Variants in CBFA2T3 observed in about 807,000 individuals in gnomAD.
CBFA2T3 encodes CBFA2/RUNX1 partner transcriptional co-repressor 3, also known as transcriptional corepressor CBFA2T3.
Under a neutral mutation model 58.6 loss-of-function variants are expected in CBFA2T3, and 31 were observed. The ratio of observed to expected loss-of-function variants is 0.53; its 90% confidence interval spans 0.40 to 0.71. The LOEUF is 0.71. Ranked by LOEUF, CBFA2T3 falls within the 30% of genes least tolerant of loss-of-function variation. The pLI is 0.00. For synonymous variants in CBFA2T3, 531 were observed against 421.9 expected, an observed-to-expected ratio of 1.26 and a Z score of -3.17; for missense variants, 1,076 against 963.1, an observed-to-expected ratio of 1.12 and a Z score of -1.55.
chr16:88,941,422 T>A (rs2142809797), intron 1 of CBFA2T3, among the ~76,000 whole-genome samples: 1 of 145,278 alleles, frequency 6.9e-6, no homozygotes, highest in Middle Eastern at 3.5e-3. Context: ...CTGCGCCACC[T>A]GCCTCCCGCC....
At chr16:88,912,842 G>A (rs1363133686) in intron 1 of CBFA2T3, among the ~76,000 whole-genome samples, 2 of 152,222 alleles carry the variant, frequency 1.3e-5, no homozygotes, top group African/African-American at 2.4e-5. Flanking sequence ...TGCCGTGTGA[G>A]CCCAGCAGGC....
chr16:88,910,752 G>C (rs970369999), intron 1 of CBFA2T3, among the ~76,000 whole-genome samples: 1 of 152,220 alleles, frequency 6.6e-6, no homozygotes, highest in African/African-American at 2.4e-5. Context: ...ACCAGCATCA[G>C]ACCTGGGGCT....
intron 11 of CBFA2T3, among the ~76,000 whole-genome samples, chr16:88,878,218 TTCTGCG>T (rs1968917055): frequency 6.6e-6 from 1 of 152,240 alleles, no homozygotes; most frequent in South Asian, 2.1e-4. Context: ...CACGCCTCAC[TTCTGCG>T]TTTGGTGTTT....
chr16:88,964,909 TATCCATCCATCCATCC>T (rs56700700), intron 1 of CBFA2T3, among the ~76,000 whole-genome samples: 2,118 of 143,884 alleles, frequency 0.015, 59 homozygotes, highest in African/African-American at 0.051. Flanking sequence ...TCTATCCACT[TATCCATCCATCCATCC>T]ATCCATCCAT....
At chr16:88,951,294 A>G (rs750240561) in intron 1 of CBFA2T3, 18 of 450,956 alleles carry the variant, frequency 4.0e-5, no homozygotes, top group African/African-American at 1.2e-4. Flanking sequence ...GACTGGCACC[A>G]GCACAGAGGG....
chr16:88,877,433 C>G (rs377182460), intron 11 of CBFA2T3, among the ~76,000 whole-genome samples, 158 bp from the exon 12 acceptor site: 2 of 152,324 alleles, frequency 1.3e-5, no homozygotes, highest in African/African-American at 4.8e-5. Flanking sequence ...CCAGATACAG[C>G]CACTCACTGG....
At chr16:88,972,920 G>A (rs901718794) in intron 1 of CBFA2T3, among the ~76,000 whole-genome samples, 4 of 152,206 alleles carry the variant, frequency 2.6e-5, no homozygotes, top group Non-Finnish European at 5.9e-5. Flanking sequence ...CCCCTTTGCA[G>A]GCACCCTTGG....
At chr16:88,882,071 G>A (rs1177336144) in intron 8 of CBFA2T3, among the ~76,000 whole-genome samples, 1 of 152,246 alleles carries the variant, frequency 6.6e-6, no homozygotes, top group Non-Finnish European at 1.5e-5. Flanking sequence ...CGCCATGAGG[G>A]TTTTAGGAAT....
chr16:88,952,577 G>A (rs1972104774), intron 1 of CBFA2T3, among the ~76,000 whole-genome samples: 1 of 152,026 alleles, frequency 6.6e-6, no homozygotes, highest in South Asian at 2.1e-4. Flanking sequence ...AGCCTGGGGT[G>A]CCTGCTGCTC....
intron 2 of CBFA2T3, among the ~76,000 whole-genome samples, chr16:88,898,775 C>T (rs1969988744): frequency 6.6e-6 from 1 of 152,186 alleles, no homozygotes; most frequent in Admixed American, 6.5e-5. Context: ...GTAATCCCAG[C>T]ACTTTGGGAG....
At chr16:88,959,962 G>A (rs2142860868) in intron 1 of CBFA2T3, among the ~76,000 whole-genome samples, 1 of 152,290 alleles carries the variant, frequency 6.6e-6, no homozygotes, top group Admixed American at 6.5e-5. Flanking sequence ...GCAGGAGATG[G>A]AGGCTGCAGT....
intron 1 of CBFA2T3, chr16:88,940,375 G>C (rs1971675405): frequency 6.5e-6 from 1 of 153,162 alleles, no homozygotes; most frequent in Non-Finnish European, 1.5e-5. Flanking sequence ...CCAGCCATCT[G>C]TCCCTCCACA....
intron 1 of CBFA2T3, chr16:88,951,056 C>A: frequency 2.6e-6 from 1 of 389,164 alleles, no homozygotes; most frequent in South Asian, 1.7e-5. Flanking sequence ...TGGCACCTGT[C>A]TTCCGGATCT....
At chr16:88,925,802 A>T (rs1199689022) in intron 1 of CBFA2T3, among the ~76,000 whole-genome samples, 1 of 152,164 alleles carries the variant, frequency 6.6e-6, no homozygotes, top group Non-Finnish European at 1.5e-5. Context: ...CTCCCCGGCG[A>T]CGGGCTTTTC....
At chr16:88,925,013 G>A (rs938300267) in intron 1 of CBFA2T3, among the ~76,000 whole-genome samples, 3 of 152,222 alleles carry the variant, frequency 2.0e-5, no homozygotes, top group African/African-American at 7.2e-5. Context: ...CCAAGCCCAG[G>A]GCTTGCTGTG....
Position 88,892,500 on chromosome 16 carries a change from CG to C in CBFA2T3, c.380-16del. The C allele has an allele frequency of 6.2e-7, 1 of 1,610,166 alleles. No individual in the cohort carries two copies. On this transcript the variant is annotated splice_polypyrimidine_tract_variant and intron_variant, in intron 3 of 11. Transcript: ENST00000268679. Reference sequence around the variant, plus strand: ...GCCGTTCATCACTGCAGGAGGGAAGCGGACATGAGGACACAAAGGTGATGGT... The same window carrying C: ...GCCGTTCATCACTGCAGGAGGGAAGCGACATGAGGACACAAAGGTGATGGT...
In CBFA2T3 at chr16:88,904,108, C is replaced by T. The variant is rs190860392; in HGVS notation, c.152-2452G>A. Among the ~76,000 whole-genome samples, 528 of 151,968 alleles carry T rather than the reference C, an allele frequency of 3.5e-3. 2 individuals are homozygous for T. The highest frequency in any genetic ancestry group is 0.024 in the Middle Eastern group (7 of 294). The stretch of plus-strand genomic sequence containing the variant: ...AGGGCTCATGGCCACCACCTGCGTG[C>T]TCACGGCCACCACCTGCGTGCTCGT... On this transcript the variant is annotated intron_variant, in intron 1 of 11. Transcript: ENST00000268679.
intron 1 of CBFA2T3, among the ~76,000 whole-genome samples, chr16:88,956,349 C>T (rs1022850412): frequency 2.0e-5 from 3 of 152,262 alleles, no homozygotes; most frequent in African/African-American, 7.2e-5. Context: ...ACCCACCCGC[C>T]GGGTCCCCGG....
chr16:88,884,981 T>C, intron 7 of CBFA2T3, 65 bp downstream of exon 7: 1 of 1,240,988 alleles, frequency 8.1e-7, no homozygotes, highest in Non-Finnish European at 1.1e-6. Flanking sequence ...TGCTCAGGTG[T>C]ACATGTGGGC....
Sources: gnomAD v4.1 joint callset for allele counts (sites outside exome capture counted in the v4.1 genomes callset) on GRCh38, gnomAD v4.1.1 for gene constraint, MANE v1.5 for transcripts, NCBI Gene and HGNC (gene_info 2026-07-23, HGNC 2026-07-21) for gene names.